INSL6: variants seen among roughly 807,000 people sequenced by gnomAD.
The protein encoded by INSL6 is insulin-like peptide INSL6.
A neutral mutation model predicts 9.4 loss-of-function variants in INSL6; 16 were observed. The observed-to-expected ratio is 1.70, with a 90% confidence interval of 1.15 to 2.59. INSL6 has a LOEUF of 2.59. Among genes scored for constraint, INSL6 ranks in the 30% most tolerant of loss-of-function variants. INSL6 has a pLI of 0.00. For missense variants in INSL6, 391 were observed against 257.3 expected (o/e 1.52, Z -3.56); for synonymous variants, 154 against 96.9 (o/e 1.59, Z -3.46).
At chr9:5,043,469 G>T in the INSL6 span, among the ~76,000 whole-genome samples, 7 of 152,164 alleles carry the variant, frequency 4.6e-5, no homozygotes, top group Non-Finnish European at 8.8e-5. Context: ...AGAGAATTTG[G>T]ACTAATTTGG....
At chr9:5,057,525 A>G in the INSL6 span, among the ~76,000 whole-genome samples, 1 of 151,800 alleles carries the variant, frequency 6.6e-6, no homozygotes, top group Admixed American at 6.5e-5. Context: ...CACCCATTAA[A>G]TAAAAACTCA....
intron 2 of INSL6, among the ~76,000 whole-genome samples, chr9:5,154,978 T>G (rs1185181866): frequency 6.6e-6 from 1 of 152,068 alleles, no homozygotes; most frequent in Non-Finnish European, 1.5e-5. Flanking sequence ...TTACTGGGTA[T>G]ATACCCAAAG....
chr9:5,055,766 A>G, the INSL6 span: 2 of 1,610,918 alleles, frequency 1.2e-6, no homozygotes, highest in South Asian at 1.1e-5. Context: ...GTAACTATCC[A>G]TAAGCAAGAT....
intron 2 of INSL6, among the ~76,000 whole-genome samples, chr9:5,143,207 T>C (rs1824536169): frequency 6.6e-6 from 1 of 151,662 alleles, no homozygotes; most frequent in Admixed American, 6.5e-5. Context: ...CCTCATAGAA[T>C]GAGTTACAGA....
At chr9:5,068,715 A>G in the INSL6 span, among the ~76,000 whole-genome samples, 40 of 152,346 alleles carry the variant, frequency 2.6e-4, no homozygotes, top group South Asian at 4.6e-3. Context: ...TATATGCTAC[A>G]TTTGTTTTAG....
intron 2 of INSL6, among the ~76,000 whole-genome samples, chr9:5,141,231 T>C (rs1217560638): frequency 2.6e-5 from 4 of 152,220 alleles, no homozygotes; most frequent in African/African-American, 7.2e-5. Flanking sequence ...AGTAATGGAA[T>C]TGCTGGATCA....
At chr9:5,024,963 G>A in the INSL6 span, among the ~76,000 whole-genome samples, 1 of 152,170 alleles carries the variant, frequency 6.6e-6, no homozygotes, top group African/African-American at 2.4e-5. Context: ...GAGTGGAGCC[G>A]GGGCTGGTGG....
chr9:5,003,583 G>A, the INSL6 span, among the ~76,000 whole-genome samples: 1 of 151,958 alleles, frequency 6.6e-6, no homozygotes, highest in African/African-American at 2.4e-5. Flanking sequence ...TTGTGACTTT[G>A]CTAAATTCAC....
At chr9:5,085,457 C>G in the INSL6 span, 1 of 734,762 alleles carries the variant, frequency 1.4e-6, no homozygotes, top group Non-Finnish European at 2.6e-6. Flanking sequence ...AAGGTCTTTT[C>G]AAGGTATTGT....
the INSL6 span, among the ~76,000 whole-genome samples, chr9:5,072,934 C>G: frequency 6.6e-6 from 1 of 151,704 alleles, no homozygotes; most frequent in African/African-American, 2.4e-5. Flanking sequence ...ACAGAGGCTC[C>G]TCTACAATTA....
intron 1 of INSL6, among the ~76,000 whole-genome samples, chr9:5,169,087 C>A (rs12338014): frequency 6.6e-6 from 1 of 152,024 alleles, no homozygotes; most frequent in Non-Finnish European, 1.5e-5. Context: ...CCACCATGCC[C>A]GGCTAATTTT....
At chr9:5,171,890 G>A (rs563878929) in intron 1 of INSL6, among the ~76,000 whole-genome samples, 6 of 152,256 alleles carry the variant, frequency 3.9e-5, no homozygotes, top group South Asian at 4.1e-4. Flanking sequence ...AATCAATATC[G>A]TGAAAATGGC....
Position 5,130,663 on chromosome 9 carries a change from T to G in INSL6, c.*10+2762A>C, listed in dbSNP as rs141084973. 2.8e-3 allele frequency among the ~76,000 whole-genome samples: 426 copies of G among 152,182 alleles called. 4 individuals carry two copies. Among genetic ancestry groups the G allele is most frequent in the Middle Eastern group, 6.8e-3 (2 of 294 alleles). On this transcript the variant is annotated intron_variant, in intron 3 of 3. Transcript: ENST00000649639. ...AAAAAGTTTAAGGTCCTCCAAATACTTGAGGTATATATTATGGAAACTCAG... is the reference window on the plus strand; with the variant it reads ...AAAAAGTTTAAGGTCCTCCAAATACGTGAGGTATATATTATGGAAACTCAG...
chr9:5,112,764 C>T, the INSL6 span: 4 of 617,220 alleles, frequency 6.5e-6, no homozygotes, highest in Non-Finnish European at 5.0e-6. Flanking sequence ...GAGAAGGTGT[C>T]GCGCGTGTTC....
At chr9:5,153,723 C>T (rs971719327) in intron 2 of INSL6, among the ~76,000 whole-genome samples, 7 of 152,164 alleles carry the variant, frequency 4.6e-5, no homozygotes, top group African/African-American at 1.4e-4. Context: ...CCATTCACAA[C>T]TGCTACTAAG....
chr9:5,037,600 C>G, the INSL6 span, among the ~76,000 whole-genome samples: 1 of 152,042 alleles, frequency 6.6e-6, no homozygotes, highest in African/African-American at 2.4e-5. Flanking sequence ...AGCAAACTAT[C>G]GCAAGGACAA....
At chr9:5,164,509 A>G (rs1019949526) in intron 1 of INSL6, among the ~76,000 whole-genome samples, 2 of 152,224 alleles carry the variant, frequency 1.3e-5, no homozygotes, top group Admixed American at 1.3e-4. Context: ...TTCACATGCT[A>G]TAAAATTAGT....
chr9:5,070,007 G>A, the INSL6 span: 2 of 1,607,930 alleles, frequency 1.2e-6, no homozygotes, highest in South Asian at 1.1e-5. Flanking sequence ...CTACTCATAT[G>A]AACCAAATGG....
chr9:5,178,230 T>G (rs938664654), intron 1 of INSL6, among the ~76,000 whole-genome samples: 1 of 152,152 alleles, frequency 6.6e-6, no homozygotes, highest in African/African-American at 2.4e-5. Context: ...GACCTCCTTG[T>G]AGGGGCTTCA....
Sources: gnomAD v4.1 joint callset for allele counts (sites outside exome capture counted in the v4.1 genomes callset) on GRCh38, gnomAD v4.1.1 for gene constraint, MANE v1.5 for transcripts, NCBI Gene and HGNC (gene_info 2026-07-23, HGNC 2026-07-21) for gene names.